Variants in ADPRS observed in about 807,000 individuals in gnomAD.
ADPRS encodes the protein ADP-ribosylhydrolase ARH3.
In ADPRS, 25 loss-of-function variants were observed where a neutral mutation model predicts 32.1. The observed-to-expected ratio is 0.78, with a 90% confidence interval of 0.57 to 1.09. The LOEUF (loss-of-function observed/expected upper bound fraction) is 1.09, where lower values mean the gene tolerates loss of function less well. Among genes scored for constraint, ADPRS ranks in the 50% least tolerant of loss-of-function variants. The probability of loss-of-function intolerance (pLI) is 0.00; values close to 1 mark genes in which losing one functional copy is unlikely to be tolerated. For synonymous variants in ADPRS, 225 were observed against 201.0 expected (o/e 1.12, Z -1.01); for missense variants, 482 against 480.6 (o/e 1.00, Z -0.03).
intron 1 of ADPRS, among the ~76,000 whole-genome samples, chr1:36,089,810 T>A (rs1323740404): frequency 6.6e-6 from 1 of 152,184 alleles, no homozygotes; most frequent in Non-Finnish European, 1.5e-5. Flanking sequence ...ACACCATGAT[T>A]CCTCTAGGCC....
intron 5 of ADPRS, 55 bp downstream of exon 5, chr1:36,092,577 T>C: frequency 1.9e-6 from 3 of 1,562,406 alleles, no homozygotes; most frequent in South Asian, 2.2e-5. Flanking sequence ...AGGGTCGGTC[T>C]TGGGCTCAGG....
chr1:36,090,886 C>T (rs934253177), intron 1 of ADPRS, among the ~76,000 whole-genome samples: 5 of 151,814 alleles, frequency 3.3e-5, no homozygotes, highest in Admixed American at 1.3e-4. Context: ...AAAAGGTGAG[C>T]AGGGCCAGGC....
intron 2 of ADPRS, 48 bp from the exon 3 acceptor site, chr1:36,091,570 T>TA (rs1215629738): frequency 6.6e-7 from 1 of 1,519,128 alleles, no homozygotes; most frequent in Non-Finnish European, 8.9e-7. Context: ...TCCCAACCCT[T>TA]AGAGGCATCT....
rs369155774 is a variant in ADPRS, at chr1:36,092,531, G to C, written c.802+9G>C. 2.0e-5 allele frequency: 32 copies of C among 1,613,292 alleles called. No individual in the cohort carries two copies. In the East Asian group the frequency reaches 2.0e-4, roughly 10 times the overall value. ...AGTGGTGTCTGAGCTAGGTGAGTGG[G>C]TCTGCCTGGGATTGTCTCTCCCTCT... On this transcript the variant is annotated intron_variant, in intron 5 of 5. Coordinates refer to ENST00000373178, the MANE Select transcript of ADPRS (RefSeq NM_017825.3).
chr1:36,091,519 C>G, intron 2 of ADPRS, 99 bp from the exon 3 acceptor site: 1 of 1,308,456 alleles, frequency 7.6e-7, no homozygotes, highest in Non-Finnish European at 1.1e-6. Context: ...CTTAGGCCCC[C>G]GAGGCTTTCT....
chr1:36,093,562 G>A lies in ADPRS; in HGVS notation c.*176G>A. The A allele has an allele frequency of 1.3e-6, 1 of 793,132 alleles. No homozygotes were observed. The highest frequency in any genetic ancestry group is 1.9e-6 in the Non-Finnish European group (1 of 514,202). The allele number at this position is 793,132 out of a possible 1,614,324, so 49.1% of individuals were successfully genotyped here. ...GGAGGTCACTGGAACAGCGAGCAAG[G>A]GACTGGTGCCTCGCTGGTGCTGGGT... On this transcript the variant is annotated 3_prime_UTR_variant, in exon 6 of 6. Coordinates refer to ENST00000373178, the MANE Select transcript of ADPRS (RefSeq NM_017825.3).
At chr1:36,092,345 T>C (rs1268392629) in intron 4 of ADPRS, 77 bp from the exon 5 acceptor site, 6 of 1,422,880 alleles carry the variant, frequency 4.2e-6, no homozygotes, top group Non-Finnish European at 5.9e-6. Flanking sequence ...CTGCTCGTTC[T>C]CACATGCAGC....
Position 36,093,410 on chromosome 1 carries a change from C to G in ADPRS, c.*24C>G. ...GATGAGGGCTACAGCTGTTGGGGCT[C>G]TGCCAGGTCCCCTGGGACCAACTAC... On this transcript the variant is annotated 3_prime_UTR_variant, in exon 6 of 6. Coordinates refer to ENST00000373178, the MANE Select transcript of ADPRS (RefSeq NM_017825.3). The G allele has an allele frequency of 1.3e-6, 2 of 1,595,788 alleles. No individual in the cohort carries two copies. Among genetic ancestry groups the G allele is most frequent in the Non-Finnish European group, 8.6e-7 (1 of 1,168,554 alleles).
At position 36,090,679 on chromosome 1, in the gene ADPRS, CAAAAAAAAAAAAAAA is replaced by C. The variant is rs10625386; in HGVS notation, c.212-553_212-539del. ...GCAACAGGATGAAACTCCATCTCTA[CAAAAAAAAAAAAAAA>C]AAAAAAAAAAAGCCAGGCGCAGTGG... is the stretch of plus-strand genomic sequence containing the variant. On this transcript the variant is annotated intron_variant, in intron 1 of 5. Transcript: ENST00000373178. 5.2e-3 allele frequency among the ~76,000 whole-genome samples: 340 copies of C among 65,362 alleles called. 6 individuals carry two copies. The highest frequency in any genetic ancestry group is 0.021 in the Middle Eastern group (1 of 48). 42.9% of individuals were successfully genotyped at this position (65,362 alleles called of 152,430 possible).
At chr1:36,089,207 G>C in intron 1 of ADPRS, 92 bp downstream of exon 1, 1 of 1,328,858 alleles carries the variant, frequency 7.5e-7, no homozygotes, top group Non-Finnish European at 9.7e-7. Flanking sequence ...GGGTGCGCGG[G>C]GATGAGGCTG....
chr1:36,089,842 C>G, intron 1 of ADPRS, among the ~76,000 whole-genome samples: 4 of 152,280 alleles, frequency 2.6e-5, no homozygotes, highest in Middle Eastern at 6.8e-3. Flanking sequence ...TGCGCTGTCT[C>G]GCCTGTAAAA....
chr1:36,091,406 G>C (rs1298908530), intron 2 of ADPRS, 66 bp downstream of exon 2: 1 of 1,497,812 alleles, frequency 6.7e-7, no homozygotes, highest in Non-Finnish European at 9.2e-7. Context: ...TTGACCAGAG[G>C]AATGACATTT....
At chr1:36,091,546 C>G in intron 2 of ADPRS, 72 bp from the exon 3 acceptor site, 1 of 1,438,824 alleles carries the variant, frequency 7.0e-7, no homozygotes, top group Non-Finnish European at 9.4e-7. Flanking sequence ...CCAAACTAGC[C>G]TCGATTTCTT....
chr1:36,089,262 A>C (rs1643444834), intron 1 of ADPRS, 147 bp downstream of exon 1: 2 of 940,802 alleles, frequency 2.1e-6, no homozygotes, highest in Non-Finnish European at 2.9e-6. Flanking sequence ...AGACAGCTTG[A>C]GCTCAGCGAG....
chr1:36,092,188 G>A (rs771452373), intron 4 of ADPRS, 94 bp downstream of exon 4: 1 of 1,466,286 alleles, frequency 6.8e-7, no homozygotes, highest in Non-Finnish European at 9.1e-7. Context: ...CTCAATTGCA[G>A]ACCCTAGGGA....
Position 36,093,094 on chromosome 1 carries a change from C to T in ADPRS, c.803-3C>T. The stretch of plus-strand genomic sequence containing the variant: ...CAGCCCCTCTAACCTGGCTTCCCCA[C>T]AGGGAATGGCATTGCTGCCTTTGAG... On this transcript the variant is annotated splice_polypyrimidine_tract_variant and splice_region_variant and intron_variant, in intron 5 of 5. Transcript: ENST00000373178. 6.2e-7 allele frequency: 1 copy of T among 1,611,790 alleles called. No individual in the cohort carries two copies. The highest frequency in any genetic ancestry group is 1.1e-5 in the South Asian group (1 of 91,006).
In ADPRS at chr1:36,093,579, G is replaced by T; in HGVS notation, c.*193G>T. 1.5e-6 allele frequency: 1 copy of T among 689,194 alleles called. No individual in the cohort carries two copies. Among genetic ancestry groups the T allele is most frequent in the South Asian group, 2.0e-5 (1 of 49,136 alleles). 42.7% of individuals were successfully genotyped at this position (689,194 alleles called of 1,614,324 possible). On this transcript the variant is annotated 3_prime_UTR_variant, in exon 6 of 6. Coordinates refer to ENST00000373178, the MANE Select transcript of ADPRS (RefSeq NM_017825.3). ...CGAGCAAGGGACTGGTGCCTCGCTG[G>T]TGCTGGGTCTCTGGTTTGCTGCAGA...
At position 36,093,459 on chromosome 1, in the gene ADPRS, T is replaced by C; in HGVS notation, c.*73T>C. On this transcript the variant is annotated 3_prime_UTR_variant, in exon 6 of 6. Coordinates refer to ENST00000373178, the MANE Select transcript of ADPRS (RefSeq NM_017825.3). ...ACAGCTCCAATCAGAAACCCTGCGC[T>C]TCCTTGAGTGTGGCTTCCCACTTTT... The C allele has an allele frequency of 2.6e-6, 4 of 1,532,666 alleles. 1 individual carries two copies. In the South Asian group the frequency reaches 5.0e-5, roughly 19 times the overall value. 94.9% of individuals were successfully genotyped at this position (1,532,666 alleles called of 1,614,324 possible).
chr1:36,091,942 C>A lies in ADPRS; in HGVS notation c.549C>A (p.Ala183=), dbSNP rs778863383. ...GGCTCTCGGCCCAGCTGACACACGC[C>A]TCCTCCCTGGGTTACAATGGCGCCA... ...FARLSAQLTH[A]SSLGYNGAIL... is the part of the protein sequence containing the mutation. The change falls in exon 4 of 6, where the codon GCC becomes GCA. Residue 183 remains alanine, a synonymous_variant. Transcript: ENST00000373178. The A allele has an allele frequency of 2.1e-5, 34 of 1,609,840 alleles. No homozygotes were observed. Among genetic ancestry groups the A allele is most frequent in the Non-Finnish European group, 2.5e-5 (29 of 1,176,928 alleles).
Sources: gnomAD v4.1 joint callset for allele counts (sites outside exome capture counted in the v4.1 genomes callset) on GRCh38, gnomAD v4.1.1 for gene constraint, MANE v1.5 for transcripts, NCBI Gene and HGNC (gene_info 2026-07-23, HGNC 2026-07-21) for gene names.